TPM4: variants seen among roughly 807,000 people sequenced by gnomAD.
TPM4 encodes tropomyosin alpha-4 chain.
TPM4 carries 17 observed loss-of-function variants against 35.8 expected under a neutral mutation model. The ratio of observed to expected loss-of-function variants is 0.47; its 90% CI spans 0.32 to 0.71. The LOEUF is 0.71. Ranked by LOEUF, TPM4 falls within the 30% of genes least tolerant of loss-of-function variation. The pLI, the probability that TPM4 is intolerant of heterozygous loss-of-function variation, is 0.03. For missense variants in TPM4, 240 were observed against 320.9 expected (o/e 0.75, Z 1.93); for synonymous variants, 120 against 122.9 (o/e 0.98, Z 0.15).
chr19:16,083,176 G>A (rs1158159596), intron 2 of TPM4, among the ~76,000 whole-genome samples: 1 of 152,076 alleles, frequency 6.6e-6, no homozygotes, highest in Non-Finnish European at 1.5e-5. Flanking sequence ...AGGTGCCGTG[G>A]CTCACGCCTA....
chr19:16,087,304 T>C (rs933204038), intron 3 of TPM4, among the ~76,000 whole-genome samples: 3 of 151,780 alleles, frequency 2.0e-5, no homozygotes, highest in African/African-American at 7.3e-5. Context: ...GGGCTGGGCA[T>C]GGTGGCTCAC....
Position 16,093,716 on chromosome 19 carries a change from G to A in TPM4, c.627G>A (p.Thr209=), listed in dbSNP as rs761631695. The A allele has an allele frequency of 1.2e-5, 20 of 1,613,870 alleles. No homozygotes were observed. Among genetic ancestry groups the A allele is most frequent in the Non-Finnish European group, 1.4e-5 (17 of 1,180,028 alleles). The change falls in exon 7 of 8, where the codon ACG becomes ACA. Residue 209 remains threonine, a synonymous_variant. Transcript: ENST00000643579. ...CCCGTGCTGAATTTGCAGAGAGAAC[G>A]GTTGCAAAACTGGAAAAGACAATTG... ...AETRAEFAER[T]VAKLEKTIDD...
At chr19:16,076,260 G>A, upstream of TPM4, 1 of 1,535,504 alleles carries the variant, frequency 6.5e-7, no homozygotes, top group Non-Finnish European at 8.7e-7. Context: ...GGGGGAGGAG[G>A]AAGAGGAGGA....
At chr19:16,098,716 G>A (rs1172089265) in intron 7 of TPM4, among the ~76,000 whole-genome samples, 1 of 151,876 alleles carries the variant, frequency 6.6e-6, no homozygotes, top group Admixed American at 6.6e-5. Context: ...CAAGGCAGGC[G>A]GATCACTTGA....
At chr19:16,087,656 G>A (rs892005798) in intron 3 of TPM4, among the ~76,000 whole-genome samples, 12 of 151,944 alleles carry the variant, frequency 7.9e-5, no homozygotes, top group Admixed American at 3.9e-4. Context: ...GCCGAGGTAG[G>A]TGGATCAGGA....
In TPM4 at chr19:16,081,938, A is replaced by G; in HGVS notation, c.158A>G (p.Asn53Ser). 6.2e-7 allele frequency: 1 copy of G among 1,603,334 alleles called. No homozygotes were observed. The highest frequency in any genetic ancestry group is 8.5e-7 in the Non-Finnish European group (1 of 1,171,198). ...EKAEGDVAAL[N>S]RRIQLVEEEL... ...GCTGAAGGTGATGTGGCCGCCCTCA[A>G]CCGACGCATCCAGCTCGTTGAGGAG... Residue 53 changes from asparagine to serine, a missense_variant, in exon 2 of 8, where the codon AAC (asparagine) becomes AGC (serine). By Grantham distance (46) the Asn-to-Ser change is conservative. Transcript: ENST00000643579.
At chr19:16,068,173 T>C (rs1012722252) in intron 2 of TPM4, among the ~76,000 whole-genome samples, 3 of 134,476 alleles carry the variant, frequency 2.2e-5, no homozygotes, top group African/African-American at 7.1e-5. Context: ...TGTGTGCGTG[T>C]GTGTGTGTGT....
upstream of TPM4, among the ~76,000 whole-genome samples, chr19:16,073,960 A>AAAC (rs1568298129): frequency 9.4e-6 from 1 of 105,922 alleles, no homozygotes; most frequent in Non-Finnish European, 1.9e-5. Flanking sequence ...AAAAAAAAAA[A>AAAC]CGCAAAAAAA....
upstream of TPM4, chr19:16,076,154 G>A: frequency 1.3e-6 from 2 of 1,563,364 alleles, no homozygotes; most frequent in South Asian, 1.2e-5. Context: ...TGGAGCTCAC[G>A]GAGAAGAAGG....
At position 16,067,880 on chromosome 19, in the gene TPM4, AC is replaced by A; in HGVS notation, c.114+144del. 1.4e-6 allele frequency: 1 copy of A among 733,902 alleles called. No homozygotes were observed. Among genetic ancestry groups the A allele is most frequent in the Non-Finnish European group, 2.1e-6 (1 of 470,298 alleles). The allele number at this position is 733,902 out of a possible 1,614,324, so 45.5% of individuals were successfully genotyped here. ...GCTTTGGCGGAGGAAGAGCGAGGGGACCATTGCCTTCCTTGGATGGGGTCCT... is the reference window on the plus strand; with the variant it reads ...GCTTTGGCGGAGGAAGAGCGAGGGGACATTGCCTTCCTTGGATGGGGTCCT... On this transcript the variant is annotated intron_variant, in intron 2 of 2. Transcript: ENST00000589897. The surrounding 1 kb of genome is among the most constrained non-coding windows in gnomAD (Gnocchi z 4.1).
intron 1 of TPM4, chr19:16,081,214 G>A (rs2090478299): frequency 5.0e-6 from 2 of 396,072 alleles, no homozygotes; most frequent in Non-Finnish European, 8.9e-6. Flanking sequence ...CTCACAGTGA[G>A]CCCTAGAACT....
intron 7 of TPM4, among the ~76,000 whole-genome samples, chr19:16,094,157 A>G (rs890396715): frequency 2.0e-5 from 3 of 151,836 alleles, no homozygotes; most frequent in Non-Finnish European, 4.4e-5. Context: ...CAGGAGGTAA[A>G]ATATCTCTGC....
intron 5 of TPM4, among the ~76,000 whole-genome samples, chr19:16,089,703 C>G (rs979476163): frequency 6.9e-6 from 1 of 145,004 alleles, no homozygotes; most frequent in East Asian, 2.0e-4. Context: ...GAGCTTCGCT[C>G]TGTTGCCCAG....
chr19:16,084,080 C>A (rs1188132767), intron 2 of TPM4, among the ~76,000 whole-genome samples: 2 of 152,204 alleles, frequency 1.3e-5, no homozygotes, highest in Admixed American at 1.3e-4. Flanking sequence ...GCACCCGCCA[C>A]CACACCCGGC....
chr19:16,089,772 G>A (rs1388377694), intron 5 of TPM4, among the ~76,000 whole-genome samples: 11 of 150,482 alleles, frequency 7.3e-5, no homozygotes, highest in African/African-American at 1.7e-4. Flanking sequence ...AGGCTCAAGC[G>A]ATCCTCCCAC....
intron 4 of TPM4, 185 bp from the exon 5 acceptor site, chr19:16,088,860 C>A: frequency 7.1e-7 from 1 of 1,402,776 alleles, no homozygotes; most frequent in Non-Finnish European, 9.3e-7. Context: ...GTATGATAAG[C>A]CTTTGATAAG....
upstream of TPM4, chr19:16,075,759 T>C (rs2090397048): frequency 5.9e-6 from 2 of 339,332 alleles, no homozygotes; most frequent in Non-Finnish European, 1.1e-5. Context: ...GGAAAACATT[T>C]GGAGTCTTCA....
intron 4 of TPM4, chr19:16,088,381 A>G: frequency 7.9e-7 from 1 of 1,271,492 alleles, no homozygotes; most frequent in Non-Finnish European, 1.0e-6. Flanking sequence ...CCATTTTCCC[A>G]GAGAGGATAT....
At chr19:16,092,757 A>G (rs1672256853) in intron 5 of TPM4, among the ~76,000 whole-genome samples, 1 of 152,096 alleles carries the variant, frequency 6.6e-6, no homozygotes, top group African/African-American at 2.4e-5. Flanking sequence ...GCTGGTCTCG[A>G]ACTCCTGACC....
Sources: allele counts gnomAD v4.1 joint callset (sites outside exome capture counted in the v4.1 genomes callset), GRCh38; gene constraint gnomAD v4.1.1; non-coding constraint Gnocchi (gnomAD v3.1); transcripts MANE v1.5; gene names NCBI Gene and HGNC (gene_info 2026-07-23, HGNC 2026-07-21).